The following PCDHGA8 variants were observed in gnomAD, a reference collection of about 807,000 sequenced individuals.
PCDHGA8 encodes protocadherin gamma subfamily A, 8.
In PCDHGA8, 45 loss-of-function variants were observed where a neutral mutation model predicts 59.2. The observed-to-expected ratio is 0.76, with a 90% confidence interval of 0.60 to 0.98. The LOEUF (loss-of-function observed/expected upper bound fraction) is 0.98, where lower values mean the gene tolerates loss of function less well. Among genes scored for constraint, PCDHGA8 ranks in the 50% least tolerant of loss-of-function variants. The probability of loss-of-function intolerance (pLI) is 0.00; values close to 1 mark genes in which losing one functional copy is unlikely to be tolerated. For synonymous variants in PCDHGA8, 531 were observed against 519.0 expected (o/e 1.02, Z -0.32); for missense variants, 1,257 against 1,196.2 (o/e 1.05, Z -0.75).
At chr5:141,415,884 A>C in intron 1 of PCDHGA8, 1 of 981,534 alleles carries the variant, frequency 1.0e-6, no homozygotes, top group Non-Finnish European at 1.4e-6. Context: ...TACAATATTG[A>C]CAATTCCTAA....
Position 141,511,225 on chromosome 5 carries a change from C to T in PCDHGA8, c.*52C>T, listed in dbSNP as rs2099883678. On this transcript the variant is annotated 3_prime_UTR_variant, in exon 4 of 4. Transcript: ENST00000398604. Reference sequence around the variant, plus strand: ...GGCGGCCTCTCCCCAACCAGCCCAGCTTCTCCTTACCTGCACCCAGGCCTC... The same window carrying T: ...GGCGGCCTCTCCCCAACCAGCCCAGTTTCTCCTTACCTGCACCCAGGCCTC... 1.9e-6 allele frequency: 3 copies of T among 1,601,506 alleles called. No individual in the cohort carries two copies. Among genetic ancestry groups the T allele is most frequent in the Non-Finnish European group, 2.6e-6 (3 of 1,174,170 alleles).
intron 3 of PCDHGA8, among the ~76,000 whole-genome samples, chr5:141,505,969 A>G (rs1454691041): frequency 1.3e-5 from 2 of 152,142 alleles, no homozygotes; most frequent in Non-Finnish European, 2.9e-5. Context: ...AGAAATCCCC[A>G]GCCGAGAGAA....
intron 1 of PCDHGA8, among the ~76,000 whole-genome samples, chr5:141,450,145 T>A (rs2098671113): frequency 6.6e-6 from 1 of 151,890 alleles, no homozygotes; most frequent in South Asian, 2.1e-4. Flanking sequence ...TAGCTGGGAC[T>A]ACAGGCATGT....
chr5:141,410,269 G>A, intron 1 of PCDHGA8: 1 of 1,614,060 alleles, frequency 6.2e-7, no homozygotes, highest in Non-Finnish European at 8.5e-7. Flanking sequence ...CTGAACTGCA[G>A]TTTTACCTGG....
intron 3 of PCDHGA8, among the ~76,000 whole-genome samples, chr5:141,505,973 G>A (rs1207489923): frequency 6.6e-6 from 1 of 152,166 alleles, no homozygotes; most frequent in Non-Finnish European, 1.5e-5. Context: ...ATCCCCAGCC[G>A]AGAGAACACC....
intron 1 of PCDHGA8, chr5:141,427,874 G>A: frequency 1.3e-6 from 2 of 1,560,274 alleles, no homozygotes; most frequent in South Asian, 2.2e-5. Flanking sequence ...AGCTCACGAT[G>A]CAGGCCCACG....
At chr5:141,409,707 C>T in intron 1 of PCDHGA8, 1 of 1,613,248 alleles carries the variant, frequency 6.2e-7, no homozygotes, top group Non-Finnish European at 8.5e-7. Flanking sequence ...CTGGCGGTGT[C>T]GTCATACGTG....
At chr5:141,439,506 C>G (rs2098117403) in intron 1 of PCDHGA8, among the ~76,000 whole-genome samples, 1 of 152,234 alleles carries the variant, frequency 6.6e-6, no homozygotes, top group Non-Finnish European at 1.5e-5. Flanking sequence ...GTCTTTCTCT[C>G]TGCTCTCAAC....
intron 1 of PCDHGA8, chr5:141,478,798 T>G: frequency 6.8e-7 from 1 of 1,463,780 alleles, no homozygotes. Flanking sequence ...TCCTCAGCAC[T>G]CTTTTGCTAT....
In PCDHGA8 at chr5:141,394,070, T is replaced by C; in HGVS notation, c.1257T>C (p.Asn419=). The C allele has an allele frequency of 6.2e-7, 1 of 1,613,848 alleles. No individual in the cohort carries two copies. The highest frequency in any genetic ancestry group is 8.5e-7 in the Non-Finnish European group (1 of 1,179,824). The change falls in exon 1 of 4, where the codon AAT becomes AAC. Residue 419 remains asparagine (N), a synonymous_variant. Transcript: ENST00000398604. ...YLDRENVSIY[N]ITVMASDLGT... Reference sequence around the variant, plus strand: ...ACCGAGAAAATGTCTCTATCTACAATATCACAGTGATGGCCTCAGATCTAG... The same window carrying C: ...ACCGAGAAAATGTCTCTATCTACAACATCACAGTGATGGCCTCAGATCTAG...
chr5:141,455,737 A>T (rs1290390106), intron 1 of PCDHGA8, among the ~76,000 whole-genome samples: 1 of 152,162 alleles, frequency 6.6e-6, no homozygotes, highest in Non-Finnish European at 1.5e-5. Context: ...TTTGCATATC[A>T]AAGGTTGCTG....
intron 1 of PCDHGA8, among the ~76,000 whole-genome samples, chr5:141,450,005 TC>T (rs2098662434): frequency 1.0e-5 from 1 of 99,604 alleles, no homozygotes; most frequent in Non-Finnish European, 1.8e-5. Flanking sequence ...TTGCCATGTC[TC>T]TTTTTTTTTT....
intron 1 of PCDHGA8, chr5:141,408,186 G>A (rs529140572): frequency 1.7e-4 from 266 of 1,542,242 alleles, no homozygotes; most frequent in Non-Finnish European, 2.2e-4. Flanking sequence ...GGGACCCAGC[G>A]AGAACCCGAG....
intron 1 of PCDHGA8, among the ~76,000 whole-genome samples, chr5:141,429,535 T>TG (rs1278730394): frequency 2.0e-5 from 3 of 152,168 alleles, no homozygotes; most frequent in Non-Finnish European, 4.4e-5. Flanking sequence ...CTTAAAAAAA[T>TG]AAGAACATGG....
At chr5:141,451,610 G>T (rs184745360) in intron 1 of PCDHGA8, among the ~76,000 whole-genome samples, 60 of 152,298 alleles carry the variant, frequency 3.9e-4, no homozygotes, top group African/African-American at 1.3e-3. Context: ...GGCTAGGCAT[G>T]GTGGCTCAAA....
At chr5:141,452,076 G>A (rs978382005) in intron 1 of PCDHGA8, among the ~76,000 whole-genome samples, 3 of 152,092 alleles carry the variant, frequency 2.0e-5, no homozygotes, top group Non-Finnish European at 2.9e-5. Flanking sequence ...TTATTAGTTG[G>A]CATTATACAG....
At position 141,476,573 on chromosome 5, in the gene PCDHGA8, C is replaced by T; in HGVS notation, c.2425-18234C>T. 6.2e-7 allele frequency: 1 copy of T among 1,614,216 alleles called. No homozygotes were observed. Among genetic ancestry groups the T allele is most frequent in the Non-Finnish European group, 8.5e-7 (1 of 1,180,038 alleles). On this transcript the variant is annotated intron_variant, in intron 1 of 3. Coordinates refer to ENST00000398604, the MANE Select transcript of PCDHGA8 (RefSeq NM_032088.2). The surrounding 1 kb of genome is among the most constrained non-coding windows in gnomAD (Gnocchi z 7.6). ...TAGCGAGGCCGTGGCTCCGGGGACG[C>T]GCTTTCCGCTCGAGAGCGCGCACGA... is the stretch of plus-strand genomic sequence containing the variant.
At chr5:141,407,738 A>G (rs928743977) in intron 1 of PCDHGA8, among the ~76,000 whole-genome samples, 3 of 152,046 alleles carry the variant, frequency 2.0e-5, no homozygotes, top group Admixed American at 2.0e-4. Context: ...CACTATATAT[A>G]CTCCCTACTG....
chr5:141,410,766 AG>A, intron 1 of PCDHGA8: 1 of 1,032,268 alleles, frequency 9.7e-7, no homozygotes, highest in Non-Finnish European at 1.3e-6. Context: ...TTTCAATTAT[AG>A]TTTTCACTAT....
Sources: gnomAD v4.1 joint callset for allele counts (sites outside exome capture counted in the v4.1 genomes callset) on GRCh38, gnomAD v4.1.1 for gene constraint, Gnocchi (gnomAD v3.1) non-coding constraint, MANE v1.5 for transcripts, NCBI Gene and HGNC (gene_info 2026-07-23, HGNC 2026-07-21) for gene names.